The following PDGFRB variants were observed in gnomAD, a reference collection of about 807,000 sequenced individuals.
PDGFRB encodes the protein platelet derived growth factor receptor beta, also known as platelet-derived growth factor receptor beta.
In PDGFRB, 42 loss-of-function variants were observed where a neutral mutation model predicts 120.2. The ratio of observed to expected loss-of-function variants is 0.35; its 90% CI spans 0.27 to 0.45. PDGFRB has a LOEUF of 0.45. Ranked by LOEUF, PDGFRB falls within the 20% of genes least tolerant of loss-of-function variation. The pLI is 1.00. For synonymous variants in PDGFRB, 586 were observed against 606.8 expected, an observed-to-expected ratio of 0.97 and a Z score of 0.50; for missense variants, 1,149 against 1,476.3, an observed-to-expected ratio of 0.78 and a Z score of 3.63.
At position 150,133,982 on chromosome 5, in the gene PDGFRB, C is replaced by T. The variant is rs552941597; in HGVS notation, c.658G>A (p.Ala220Thr). The change falls in exon 5 of 23, where the codon GCA becomes ACA. Residue 220 changes from alanine to threonine, a missense_variant. By Grantham distance (58) the Ala-to-Thr change is moderately conservative (BLOSUM62 0). Transcript: ENST00000261799. ...QVSSINVSVNAVQTVVRQGEN... is the reference protein window; with the variant it reads ...QVSSINVSVNTVQTVVRQGEN... ...CCCTGGCGGACCACAGTCTGCACTG[C>T]GTTCACAGAGACGTTGATGGATGAC... is the stretch of plus-strand genomic sequence containing the variant. 13 of 1,613,890 alleles carry T rather than the reference C, an allele frequency of 8.1e-6. No homozygotes were observed. The highest frequency in any genetic ancestry group is 7.7e-5 in the South Asian group (7 of 91,074).
intron 1 of PDGFRB, among the ~76,000 whole-genome samples, chr5:150,146,403 G>T (rs923969725): frequency 6.6e-6 from 1 of 152,192 alleles, no homozygotes; most frequent in Non-Finnish European, 1.5e-5. Flanking sequence ...CACCCTGTGA[G>T]GGGGGTACAC....
At chr5:150,136,751 TG>T (rs988156063) in intron 2 of PDGFRB, among the ~76,000 whole-genome samples, 13 of 151,924 alleles carry the variant, frequency 8.6e-5, no homozygotes, top group African/African-American at 2.7e-4. Flanking sequence ...GAAGGTGGGA[TG>T]GGGTCTGGAG....
Position 150,116,006 on chromosome 5 carries a change from A to G in PDGFRB, c.3138-60T>C, listed in dbSNP as rs77607501. ...AGGAGCCCAGGAGGATTCCAGCAGCAGTCATGAAGAGCCTTCGGTGTGTCC... is the reference window on the plus strand; with the variant it reads ...AGGAGCCCAGGAGGATTCCAGCAGCGGTCATGAAGAGCCTTCGGTGTGTCC... On this transcript the variant is annotated intron_variant, in intron 22 of 22. Coordinates refer to ENST00000261799, the MANE Select transcript of PDGFRB (RefSeq NM_002609.4). 6.7e-4 allele frequency: 977 copies of G among 1,460,142 alleles called. 8 individuals are homozygous for G. In the African/African-American group the frequency reaches 0.013, roughly 19 times the overall value. The allele number at this position is 1,460,142 out of a possible 1,614,324, so 90.4% of individuals were successfully genotyped here.
rs372793684 is a variant in PDGFRB at position 150,129,951 on chromosome 5, G to A, written c.1385C>T (p.Pro462Leu). 8.7e-5 allele frequency: 140 copies of A among 1,613,580 alleles called. No homozygotes were observed. Among genetic ancestry groups the A allele is most frequent in the Non-Finnish European group, 1.1e-4 (132 of 1,179,886 alleles). The part of the protein sequence containing the change: ...RDLKRCPREL[P>L]PTLLGNSSEE... ...GGAACTGTTCCCCAGCAGCGTGGGCGGCAGCTCACGTGGACACCTGCCAGG... is the reference window on the plus strand; with the variant it reads ...GGAACTGTTCCCCAGCAGCGTGGGCAGCAGCTCACGTGGACACCTGCCAGG... Residue 462 changes from proline to leucine, a missense_variant, in exon 10 of 23, where the codon CCG (proline) becomes CTG (leucine). Pro to Leu is a moderately conservative substitution (Grantham distance 98). This residue lies in a region of PDGFRB where 879 missense variants were observed against 1,108.6 expected (regional missense o/e 0.79). Coordinates refer to ENST00000261799, the MANE Select transcript of PDGFRB (RefSeq NM_002609.4).
chr5:150,133,722 C>A lies in PDGFRB; in HGVS notation c.798G>T (p.Leu266Phe). 1.2e-6 allele frequency: 2 copies of A among 1,614,108 alleles called. No homozygotes were observed. Among genetic ancestry groups the A allele is most frequent in the Non-Finnish European group, 1.7e-6 (2 of 1,180,004 alleles). ...RLVEPVTDFL[L>F]DMPYHIRSIL... ...TGGAGCGGATGTGGTAAGGCATATC[C>A]AAGAGGAAGTCAGTCACCGGCTCCA... The change falls in exon 6 of 23, where the codon TTG (leucine) becomes TTT (phenylalanine). Residue 266 changes from leucine (L) to phenylalanine (F), a missense_variant. Transcript: ENST00000261799.
In PDGFRB at chr5:150,129,707, A is replaced by G. The variant is rs1864972; in HGVS notation, c.1579+50T>C. Reference sequence around the variant, plus strand: ...ATGGGCACATTACCAATTAGGCAGGATTAAGGTAGGGATTGGGATCGTCAG... The same window carrying G: ...ATGGGCACATTACCAATTAGGCAGGGTTAAGGTAGGGATTGGGATCGTCAG... On this transcript the variant is annotated intron_variant, in intron 10 of 22. Coordinates refer to ENST00000261799, the MANE Select transcript of PDGFRB (RefSeq NM_002609.4). The G allele has an allele frequency of 0.67, 996,402 of 1,486,410 alleles. 338,595 individuals are homozygous for G. The highest frequency in any genetic ancestry group is 0.88 in the African/African-American group (63,817 of 72,886). The allele number at this position is 1,486,410 out of a possible 1,614,324, so 92.1% of individuals were successfully genotyped here.
intron 1 of PDGFRB, among the ~76,000 whole-genome samples, chr5:150,139,398 G>A (rs1760720105): frequency 6.6e-6 from 1 of 152,126 alleles, no homozygotes; most frequent in Non-Finnish European, 1.5e-5. Context: ...TCCATATAGA[G>A]AGGTTGGCAG....
intron 1 of PDGFRB, among the ~76,000 whole-genome samples, chr5:150,140,316 C>A (rs986674481): frequency 6.6e-6 from 1 of 152,132 alleles, no homozygotes; most frequent in Non-Finnish European, 1.5e-5. Flanking sequence ...GAGGACTGTA[C>A]TCTAGGGAAG....
At chr5:150,134,039 G>T (rs765584099) in intron 4 of PDGFRB, 31 bp from the exon 5 acceptor site, 11 of 1,611,780 alleles carry the variant, frequency 6.8e-6, no homozygotes, top group Non-Finnish European at 9.3e-6. Context: ...TAGGTCTGGG[G>T]AAGTCACCAC....
chr5:150,148,567 C>T (rs1445458737), intron 1 of PDGFRB, among the ~76,000 whole-genome samples: 1 of 152,260 alleles, frequency 6.6e-6, no homozygotes, highest in Non-Finnish European at 1.5e-5. Context: ...GGGAGCCCCG[C>T]CAGGCTGGGA....
At position 150,121,417 on chromosome 5, in the gene PDGFRB, AC is replaced by A; in HGVS notation, c.2345-96del. Reference sequence around the variant, plus strand: ...GCTCCTGGGAGACTGAATGTCCAAGACAGGTGGCTACTGATCGTCTAGGTCT... The same window carrying A: ...GCTCCTGGGAGACTGAATGTCCAAGAAGGTGGCTACTGATCGTCTAGGTCT... On this transcript the variant is annotated intron_variant, in intron 16 of 22. Coordinates refer to ENST00000261799, the MANE Select transcript of PDGFRB (RefSeq NM_002609.4). The surrounding 1 kb of genome is among the most constrained non-coding windows in gnomAD (Gnocchi z 4.1). 1.3e-6 allele frequency: 1 copy of A among 756,474 alleles called. No homozygotes were observed. The highest frequency in any genetic ancestry group is 1.4e-5 in the South Asian group (1 of 72,130). The allele number at this position is 756,474 out of a possible 1,614,324, so 46.9% of individuals were successfully genotyped here.
intron 14 of PDGFRB, 103 bp from the exon 15 acceptor site, chr5:150,123,304 A>G (rs1181031649): frequency 2.3e-6 from 2 of 878,316 alleles, no homozygotes; most frequent in Non-Finnish European, 3.6e-6. Flanking sequence ...ACACTTTGGC[A>G]TGACGGCTAG....
At chr5:150,117,010 C>T (rs1759957359) in intron 22 of PDGFRB, among the ~76,000 whole-genome samples, 1 of 152,198 alleles carries the variant, frequency 6.6e-6, no homozygotes, top group Non-Finnish European at 1.5e-5. Flanking sequence ...GCCCTTCTCT[C>T]CAGTTAAGGG....
At chr5:150,118,030 A>C (rs1488128879) in intron 21 of PDGFRB, among the ~76,000 whole-genome samples, 180 bp from the exon 22 acceptor site, 2 of 152,040 alleles carry the variant, frequency 1.3e-5, no homozygotes, top group African/African-American at 2.4e-5. Context: ...AGAATCTTAC[A>C]AGGCATGGTG....
chr5:150,143,618 C>T (rs887640860), intron 1 of PDGFRB, among the ~76,000 whole-genome samples: 1 of 152,144 alleles, frequency 6.6e-6, no homozygotes, highest in East Asian at 1.9e-4. Flanking sequence ...CTGGGCCTGG[C>T]GGCAAGTCTG....
chr5:150,131,696 A>G (rs1366290292), intron 8 of PDGFRB, among the ~76,000 whole-genome samples: 1 of 152,224 alleles, frequency 6.6e-6, no homozygotes, highest in African/African-American at 2.4e-5. Flanking sequence ...TTAATAGTAC[A>G]GTATAAGTGG....
chr5:150,135,439 C>T, intron 3 of PDGFRB, 116 bp downstream of exon 3: 1 of 739,154 alleles, frequency 1.4e-6, no homozygotes, highest in Non-Finnish European at 2.3e-6. Context: ...CCATGATTGT[C>T]TGCTTTTCTA....
chr5:150,140,238 A>G (rs1580814936), intron 1 of PDGFRB, among the ~76,000 whole-genome samples: 1 of 152,172 alleles, frequency 6.6e-6, no homozygotes, highest in Admixed American at 6.5e-5. Context: ...GTTCCAGCCA[A>G]TCCCAGGGAG....
chr5:150,133,551 G>A (rs781636994), intron 6 of PDGFRB, 35 bp downstream of exon 6: 1 of 1,582,032 alleles, frequency 6.3e-7, no homozygotes, highest in Non-Finnish European at 8.7e-7. Flanking sequence ...GAGCGTTGAA[G>A]GAATTGGGGA....
Sources: allele counts gnomAD v4.1 joint callset (sites outside exome capture counted in the v4.1 genomes callset), GRCh38; gene constraint gnomAD v4.1.1; regional missense constraint gnomAD v4.1.1; non-coding constraint Gnocchi (gnomAD v3.1); transcripts MANE v1.5; gene names NCBI Gene and HGNC (gene_info 2026-07-23, HGNC 2026-07-21).